SUFU: variants seen among roughly 807,000 people sequenced by gnomAD.
SUFU encodes SUFU negative regulator of hedgehog signaling.
Under a neutral mutation model 58.9 loss-of-function variants are expected in SUFU, and 7 were observed. The ratio of observed to expected loss-of-function variants is 0.12; its 90% CI spans 0.07 to 0.22. SUFU has a LOEUF of 0.22. Ranked by LOEUF, SUFU falls within the 10% of genes least tolerant of loss-of-function variation. The pLI is 1.00. For synonymous variants in SUFU, 232 were observed against 254.8 expected (o/e 0.91, Z 0.85); for missense variants, 451 against 641.3 (o/e 0.70, Z 3.20).
Position 102,628,644 on chromosome 10 carries a change from T to C in SUFU, c.1365+1401T>C, listed in dbSNP as rs566281980. Among the ~76,000 whole-genome samples, 60 of 152,178 alleles carry C rather than the reference T, an allele frequency of 3.9e-4. 1 individual carries two copies. In the South Asian group the frequency reaches 0.012, roughly 31 times the overall value. On this transcript the variant is annotated intron_variant, in intron 11 of 11. Coordinates refer to ENST00000369902, the MANE Select transcript of SUFU (RefSeq NM_016169.4). The surrounding 1 kb of genome is among the most constrained non-coding windows in gnomAD (Gnocchi z 4.5). ...GAAAGTAGGTCACTAAAAATGACTTTTTTCTTTTTTTCCTTTTCTGTCCAG... is the reference window on the plus strand; with the variant it reads ...GAAAGTAGGTCACTAAAAATGACTTCTTTCTTTTTTTCCTTTTCTGTCCAG...
intron 10 of SUFU, chr10:102,618,715 A>G: frequency 2.7e-6 from 1 of 364,730 alleles, no homozygotes; most frequent in Non-Finnish European, 4.9e-6. Context: ...CTGTAACAAA[A>G]GCTCTGAAGT....
intron 3 of SUFU, among the ~76,000 whole-genome samples, chr10:102,552,442 T>TACACAC (rs368102340): frequency 6.7e-6 from 1 of 149,234 alleles, no homozygotes; most frequent in East Asian, 2.0e-4. Context: ...AAAAAAAAAA[T>TACACAC]ACACACACAC....
chr10:102,619,805 G>A lies in SUFU; in HGVS notation c.1296+2377G>A, dbSNP rs2063724601. On this transcript the variant is annotated intron_variant, in intron 10 of 11. Transcript: ENST00000369902. The surrounding 1 kb of genome is among the most constrained non-coding windows in gnomAD (Gnocchi z 4.2). ...GGAACCTGGGCTTGTAATTACTTGT[G>A]GGCCTCTAGATCTCCCTCTGGGGCT... Among the ~76,000 whole-genome samples, 1 of 152,170 alleles carries A rather than the reference G, an allele frequency of 6.6e-6. No individual in the cohort carries two copies. The highest frequency in any genetic ancestry group is 2.1e-4 in the South Asian group (1 of 4,828).
At chr10:102,568,936 A>T (rs1297783896) in intron 3 of SUFU, among the ~76,000 whole-genome samples, 1 of 43,094 alleles carries the variant, frequency 2.3e-5, no homozygotes, top group Non-Finnish European at 4.8e-5. Context: ...ATATATATAT[A>T]TATATATATA....
At chr10:102,580,606 CA>C (rs2135829118) in intron 3 of SUFU, among the ~76,000 whole-genome samples, 1 of 152,200 alleles carries the variant, frequency 6.6e-6, no homozygotes, top group East Asian at 1.9e-4. Flanking sequence ...CAGTGTTGAT[CA>C]GACAAGAAGA....
intron 3 of SUFU, among the ~76,000 whole-genome samples, chr10:102,563,933 C>T (rs985365895): frequency 1.3e-5 from 2 of 152,134 alleles, no homozygotes; most frequent in Non-Finnish European, 2.9e-5. Flanking sequence ...CCATTCCAGT[C>T]CCTGGGGTCT....
At chr10:102,570,670 G>C (rs919366714) in intron 3 of SUFU, among the ~76,000 whole-genome samples, 2 of 152,100 alleles carry the variant, frequency 1.3e-5, no homozygotes, top group African/African-American at 4.8e-5. Context: ...TGACCCAGCT[G>C]GGTGACTTCT....
intron 9 of SUFU, 146 bp downstream of exon 9, chr10:102,615,548 C>T (rs1275274854): frequency 8.0e-7 from 1 of 1,242,522 alleles, no homozygotes; most frequent in Non-Finnish European, 1.2e-6. Context: ...TTCCCGTCTC[C>T]CTGTCTCCCT....
chr10:102,504,202 C>G lies in SUFU; in HGVS notation c.50C>G (p.Ala17Gly). The stretch of plus-strand genomic sequence containing the variant: ...GCCCCCGGCCCCACCGCGCCCCCGG[C>G]CCCTGGCCCGACTGCCCCCCCGGCC... ...SGAPGPTAPP[A>G]PGPTAPPAFA... The change falls in exon 1 of 12, where the codon GCC becomes GGC. Residue 17 changes from alanine (A) to glycine (G), a missense_variant. By Grantham distance (60) the Ala-to-Gly change is moderately conservative (BLOSUM62 0). Transcript: ENST00000369902. 2 of 1,590,980 alleles carry G rather than the reference C, an allele frequency of 1.3e-6. No homozygotes were observed. The highest frequency in any genetic ancestry group is 1.7e-6 in the Non-Finnish European group (2 of 1,170,600).
intron 3 of SUFU, among the ~76,000 whole-genome samples, chr10:102,563,479 G>A (rs1336630985): frequency 2.0e-5 from 3 of 152,082 alleles, no homozygotes; most frequent in Non-Finnish European, 4.4e-5. Context: ...TGCCTCAATA[G>A]AGTCTTGATT....
At chr10:102,587,441 T>A (rs1176823584) in intron 3 of SUFU, among the ~76,000 whole-genome samples, 19 of 152,194 alleles carry the variant, frequency 1.2e-4, no homozygotes, top group Non-Finnish European at 5.9e-5. Flanking sequence ...TCAAAAGTGA[T>A]TTTGCTTTGC....
intron 2 of SUFU, among the ~76,000 whole-genome samples, chr10:102,514,510 G>A (rs2062441637): frequency 6.6e-6 from 1 of 152,206 alleles, no homozygotes; most frequent in Admixed American, 6.5e-5. Flanking sequence ...TGGAGAGATG[G>A]AACAAGTTCC....
At chr10:102,509,773 C>G (rs2062377491) in intron 2 of SUFU, among the ~76,000 whole-genome samples, 1 of 152,202 alleles carries the variant, frequency 6.6e-6, no homozygotes, top group African/African-American at 2.4e-5. Context: ...CTTTATCTAT[C>G]TTACCTACTT....
At chr10:102,586,127 T>A (rs2063333761) in intron 3 of SUFU, among the ~76,000 whole-genome samples, 1 of 151,616 alleles carries the variant, frequency 6.6e-6, no homozygotes, top group African/African-American at 2.4e-5. Flanking sequence ...TCAGGTGATC[T>A]GCCCGCCTTG....
At chr10:102,587,457 T>C (rs1319125243) in intron 3 of SUFU, among the ~76,000 whole-genome samples, 1 of 152,192 alleles carries the variant, frequency 6.6e-6, no homozygotes, top group Non-Finnish European at 1.5e-5. Flanking sequence ...TTTGCATTTC[T>C]TTTTACTTTC....
intron 2 of SUFU, among the ~76,000 whole-genome samples, chr10:102,542,319 G>C (rs984642551): frequency 2.0e-5 from 3 of 151,882 alleles, no homozygotes; most frequent in African/African-American, 7.3e-5. Context: ...TTTTAGTAGA[G>C]ACAGGGTTTC....
Position 102,509,310 on chromosome 10 carries a change from A to G in SUFU, c.317+7A>G. 1 of 1,613,948 alleles carries G rather than the reference A, an allele frequency of 6.2e-7. No homozygotes were observed. The highest frequency in any genetic ancestry group is 8.5e-7 in the Non-Finnish European group (1 of 1,180,012). On this transcript the variant is annotated splice_region_variant and intron_variant, in intron 2 of 11. Transcript: ENST00000369902. Reference sequence around the variant, plus strand: ...GTGACAACAGAGTCCATGAGTGAGTATATGCCACCTGTTCTTTATCCAGAG... The same window carrying G: ...GTGACAACAGAGTCCATGAGTGAGTGTATGCCACCTGTTCTTTATCCAGAG...
intron 2 of SUFU, among the ~76,000 whole-genome samples, chr10:102,534,028 G>A (rs943803586): frequency 2.6e-5 from 4 of 152,174 alleles, no homozygotes; most frequent in African/African-American, 7.2e-5. Flanking sequence ...CTTTGCTTGG[G>A]TATAGATTTG....
chr10:102,623,988 C>A (rs2063764858), intron 10 of SUFU, among the ~76,000 whole-genome samples: 1 of 152,110 alleles, frequency 6.6e-6, no homozygotes, highest in Non-Finnish European at 1.5e-5. Context: ...TGGGTACCTA[C>A]CCTTGGGCAA....
Sources: allele counts gnomAD v4.1 joint callset (sites outside exome capture counted in the v4.1 genomes callset), GRCh38; gene constraint gnomAD v4.1.1; non-coding constraint Gnocchi (gnomAD v3.1); transcripts MANE v1.5; gene names NCBI Gene and HGNC (gene_info 2026-07-23, HGNC 2026-07-21).